Variants in WIF1 observed in about 807,000 individuals in gnomAD.
The protein encoded by WIF1 is Wnt inhibitory factor 1.
WIF1 carries 35 observed loss-of-function variants against 53.5 expected under a neutral mutation model. That is an observed-to-expected ratio of 0.65 (90% CI 0.50 to 0.87). The LOEUF is 0.87. Ranked by LOEUF, WIF1 falls within the 40% of genes least tolerant of loss-of-function variation. WIF1 has a pLI of 0.00. For missense variants in WIF1, 467 were observed against 476.8 expected, an observed-to-expected ratio of 0.98 and a Z score of 0.19; for synonymous variants, 171 against 170.4, an observed-to-expected ratio of 1.00 and a Z score of -0.03.
At chr12:65,118,786 A>T (rs986978478) in intron 2 of WIF1, among the ~76,000 whole-genome samples, 6 of 152,236 alleles carry the variant, frequency 3.9e-5, no homozygotes, top group Non-Finnish European at 8.8e-5. Flanking sequence ...TAAAAGCAAC[A>T]TGGAATTTAA....
chr12:65,089,323 T>C (rs1833468204), intron 2 of WIF1, among the ~76,000 whole-genome samples: 1 of 152,146 alleles, frequency 6.6e-6, no homozygotes, highest in South Asian at 2.1e-4. Context: ...TCTCATTGAT[T>C]TCTCAGCTTT....
intron 2 of WIF1, among the ~76,000 whole-genome samples, chr12:65,100,466 C>T (rs1342326801): frequency 7.9e-5 from 12 of 151,836 alleles, no homozygotes; most frequent in East Asian, 1.9e-4. Flanking sequence ...TTTTTAAAAG[C>T]GACAAAAGCA....
At position 65,090,223 on chromosome 12, in the gene WIF1, T is replaced by G. The variant is rs552136652; in HGVS notation, c.289-12369A>C. Among the ~76,000 whole-genome samples the G allele has an allele frequency of 6.6e-5, 10 of 152,208 alleles. No homozygotes were observed. In the East Asian group the frequency reaches 1.9e-3, roughly 29 times the overall value. ...GAAGGGAGAGAGCCAACAGTCCAAA[T>G]AACAATGGCCACGAGGCTGGGGAGA... On this transcript the variant is annotated intron_variant, in intron 2 of 9. Transcript: ENST00000286574.
At chr12:65,071,495 T>C (rs917553730) in intron 3 of WIF1, among the ~76,000 whole-genome samples, 8 of 152,256 alleles carry the variant, frequency 5.3e-5, no homozygotes, top group African/African-American at 1.9e-4. Flanking sequence ...AAAGAAATGA[T>C]ATCCCTAAAA....
intron 2 of WIF1, among the ~76,000 whole-genome samples, chr12:65,090,539 G>A (rs1368931486): frequency 6.6e-6 from 1 of 152,190 alleles, no homozygotes; most frequent in African/African-American, 2.4e-5. Flanking sequence ...GGTTCTTTGA[G>A]AATGTGTGCT....
rs767278214 is a variant in WIF1 at position 65,068,902 on chromosome 12, C to T, written c.400G>A (p.Val134Ile). The change falls in exon 4 of 10, where the codon GTT (valine) becomes ATT (isoleucine). Residue 134 changes from valine (V) to isoleucine (I), a missense_variant and splice_region_variant. Physicochemically the swap from Val to Ile is conservative, Grantham distance 29. Transcript: ENST00000286574. ...LGTVPHKASV[V>I]QVGFPCLGKQ... ...CCAAGACATGGGAAACCAACTTGAACAACTAAAAGAAAAAAAGAGAAAGTG... is the reference window on the plus strand; with the variant it reads ...CCAAGACATGGGAAACCAACTTGAATAACTAAAAGAAAAAAAGAGAAAGTG... The T allele has an allele frequency of 6.2e-7, 1 of 1,609,242 alleles. No individual in the cohort carries two copies. The highest frequency in any genetic ancestry group is 1.1e-5 in the South Asian group (1 of 89,946).
chr12:65,103,457 C>A (rs1353954914), intron 2 of WIF1, among the ~76,000 whole-genome samples: 2 of 152,164 alleles, frequency 1.3e-5, no homozygotes, highest in African/African-American at 2.4e-5. Context: ...CTTCCTCAAA[C>A]TCTAGACAAT....
At chr12:65,059,051 CAAAAAAAGAAAA>C (rs1406426837) in intron 7 of WIF1, among the ~76,000 whole-genome samples, 3 of 143,216 alleles carry the variant, frequency 2.1e-5, no homozygotes, top group Non-Finnish European at 4.6e-5. Context: ...GACTCCATCT[CAAAAAAAGAAAA>C]AAAAAAAATA....
intron 3 of WIF1, among the ~76,000 whole-genome samples, chr12:65,069,162 A>G (rs2136616376): frequency 6.6e-6 from 1 of 152,338 alleles, no homozygotes; most frequent in East Asian, 1.9e-4. Context: ...TTCTGTTCAC[A>G]GTCTGGACTT....
intron 2 of WIF1, among the ~76,000 whole-genome samples, chr12:65,098,711 T>A (rs1883239788): frequency 6.6e-6 from 1 of 152,092 alleles, no homozygotes; most frequent in Non-Finnish European, 1.5e-5. Context: ...GCCTTCCCCA[T>A]ACTCCATTCT....
chr12:65,062,642 A>G, intron 6 of WIF1, 66 bp from the exon 7 acceptor site: 5 of 1,424,036 alleles, frequency 3.5e-6, no homozygotes, highest in Non-Finnish European at 3.9e-6. Flanking sequence ...AATTTCACTT[A>G]AAGTGAGGTG....
intron 2 of WIF1, among the ~76,000 whole-genome samples, chr12:65,096,454 G>T (rs569803124): frequency 6.6e-6 from 1 of 152,304 alleles, no homozygotes; most frequent in South Asian, 2.1e-4. Flanking sequence ...GAAAGACAGT[G>T]TGGCAATTTC....
At chr12:65,078,081 T>C (rs1442544925) in intron 2 of WIF1, among the ~76,000 whole-genome samples, 1 of 152,098 alleles carries the variant, frequency 6.6e-6, no homozygotes. Context: ...AATCTGTTTT[T>C]GTTTGTTTGT....
rs548046559 is a variant in WIF1, at chr12:65,074,536, T to C, written c.397+3210A>G. On this transcript the variant is annotated intron_variant, in intron 3 of 9. Transcript: ENST00000286574. ...AGGAGAATTTTATAGAAAATTATCT[T>C]TAGCCAGGTGCTGGCTCATGCCTGT... Among the ~76,000 whole-genome samples the C allele has an allele frequency of 7.1e-4, 108 of 152,088 alleles. 1 individual carries two copies. Among genetic ancestry groups the C allele is most frequent in the African/African-American group, 2.5e-3 (104 of 41,538 alleles).
intron 2 of WIF1, among the ~76,000 whole-genome samples, chr12:65,106,219 T>C (rs1883349411): frequency 6.6e-6 from 1 of 152,026 alleles, no homozygotes; most frequent in Admixed American, 6.6e-5. Flanking sequence ...CTTCAGAGTA[T>C]AAATGCAAGG....
At chr12:65,080,592 A>G (rs564857873) in intron 2 of WIF1, among the ~76,000 whole-genome samples, 1 of 152,328 alleles carries the variant, frequency 6.6e-6, no homozygotes, top group South Asian at 2.1e-4. Flanking sequence ...CATTTAACAT[A>G]CTGTTCTAAA....
At chr12:65,109,441 G>T (rs1883397541) in intron 2 of WIF1, among the ~76,000 whole-genome samples, 1 of 152,146 alleles carries the variant, frequency 6.6e-6, no homozygotes. Flanking sequence ...AGTGAGGTAT[G>T]GGCTGGATTT....
At chr12:65,106,375 T>TA (rs1565760005) in intron 2 of WIF1, among the ~76,000 whole-genome samples, 4 of 149,116 alleles carry the variant, frequency 2.7e-5, no homozygotes, top group African/African-American at 1.0e-4. Flanking sequence ...ATATATATAT[T>TA]TTTTTTTATT....
chr12:65,085,279 T>G (rs1000615627), intron 2 of WIF1, among the ~76,000 whole-genome samples: 3 of 152,172 alleles, frequency 2.0e-5, no homozygotes, highest in South Asian at 2.1e-4. Flanking sequence ...ATATATATAA[T>G]AAGATATCTT....
Sources: allele counts gnomAD v4.1 joint callset (sites outside exome capture counted in the v4.1 genomes callset), GRCh38; gene constraint gnomAD v4.1.1; transcripts MANE v1.5; gene names NCBI Gene and HGNC (gene_info 2026-07-23, HGNC 2026-07-21).